CECR2: variants seen among roughly 807,000 people sequenced by gnomAD.
CECR2 encodes CECR2 histone acetyl-lysine reader, also known as chromatin remodeling regulator CECR2.
Under a neutral mutation model 154.5 loss-of-function variants are expected in CECR2, and 30 were observed. That is an observed-to-expected ratio of 0.19 (90% confidence interval 0.15 to 0.26). The LOEUF is 0.26. Among genes scored for constraint, CECR2 ranks in the 10% least tolerant of loss-of-function variants. The pLI, the probability that CECR2 is intolerant of heterozygous loss-of-function variation, is 1.00. For missense variants in CECR2, 1,743 were observed against 1,829.3 expected (o/e 0.95, Z 0.86); for synonymous variants, 725 against 683.7 (o/e 1.06, Z -0.94).
chr22:17,518,438 T>C (rs1351647224), intron 8 of CECR2, among the ~76,000 whole-genome samples: 1 of 152,190 alleles, frequency 6.6e-6, no homozygotes, highest in Non-Finnish European at 1.5e-5. Context: ...GGTCTTTCTG[T>C]TCTACCCCAG....
In CECR2 at chr22:17,548,920, C is replaced by A; in HGVS notation, c.3633C>A (p.Asp1211Glu). The A allele has an allele frequency of 3.1e-6, 5 of 1,613,650 alleles. No homozygotes were observed. Among genetic ancestry groups the A allele is most frequent in the Non-Finnish European group, 4.2e-6 (5 of 1,179,708 alleles). Residue 1211 changes from aspartate (D) to glutamate (E), a missense_variant, in exon 17 of 19, where the codon GAC (aspartate) becomes GAA (glutamate). By Grantham distance (45) the Asp-to-Glu change is conservative. This residue lies in a region of CECR2 where 1,250 missense variants were observed against 1,192.1 expected (regional missense o/e 1.05). Coordinates refer to ENST00000262608, the MANE Select transcript of CECR2 (RefSeq NM_001290047.2). The stretch of plus-strand genomic sequence containing the variant: ...ATGCCTGTCCACAGAGCTTTTCTGA[C>A]TGGCAGAGACCTCTCCATCCCCAGG... ...PYYACPQSFS[D>E]WQRPLHPQGS...
At chr22:17,490,639 C>G (rs2055511576) in intron 2 of CECR2, among the ~76,000 whole-genome samples, 1 of 151,698 alleles carries the variant, frequency 6.6e-6, no homozygotes, top group Non-Finnish European at 1.5e-5. Flanking sequence ...TTAGTAGAGA[C>G]AGGGTTTCAC....
chr22:17,525,183 G>T (rs1194147212), intron 9 of CECR2, among the ~76,000 whole-genome samples: 1 of 149,418 alleles, frequency 6.7e-6, no homozygotes, highest in Non-Finnish European at 1.5e-5. Context: ...TACTCAGGAG[G>T]CTGAGGCAGG....
chr22:17,369,413 C>A (rs1428852251), upstream of CECR2: 2 of 151,328 alleles, frequency 1.3e-5, no homozygotes, highest in African/African-American at 4.9e-5. Context: ...TCCTCGTGGG[C>A]GGCCCCTCCC....
At chr22:17,372,722 C>T (rs1020734621) in intron 1 of CECR2, among the ~76,000 whole-genome samples, 4 of 152,112 alleles carry the variant, frequency 2.6e-5, no homozygotes, top group African/African-American at 9.7e-5. Context: ...CGAGCCGTAC[C>T]TGTTAGGCCA....
At chr22:17,379,316 T>G (rs2063157307) in intron 1 of CECR2, among the ~76,000 whole-genome samples, 1 of 152,162 alleles carries the variant, frequency 6.6e-6, no homozygotes, top group Non-Finnish European at 1.5e-5. Flanking sequence ...AGTTTGGGGC[T>G]AGTAGGGAGG....
chr22:17,446,669 TC>T (rs2054669518), intron 1 of CECR2, among the ~76,000 whole-genome samples: 1 of 152,084 alleles, frequency 6.6e-6, no homozygotes, highest in African/African-American at 2.4e-5. Flanking sequence ...TGAGCTGAGA[TC>T]CTGCCACTGC....
intron 7 of CECR2, among the ~76,000 whole-genome samples, chr22:17,506,571 C>G (rs777210510): frequency 4.6e-5 from 7 of 152,328 alleles, no homozygotes; most frequent in East Asian, 1.9e-4. Context: ...TTTGTGAGTT[C>G]AGGCTTCTTC....
chr22:17,478,505 G>A (rs529607794), intron 2 of CECR2, among the ~76,000 whole-genome samples: 4 of 151,978 alleles, frequency 2.6e-5, no homozygotes, highest in African/African-American at 9.7e-5. Flanking sequence ...ACAGGCACTC[G>A]CCACCACGCC....
intron 1 of CECR2, among the ~76,000 whole-genome samples, chr22:17,460,566 C>A (rs2054922500): frequency 6.6e-6 from 1 of 152,170 alleles, no homozygotes; most frequent in African/African-American, 2.4e-5. Context: ...CCTGTACTCC[C>A]CAGTGACCCA....
At chr22:17,402,754 CTTTTTTTT>C (rs386394918) in intron 1 of CECR2, among the ~76,000 whole-genome samples, 1 of 123,104 alleles carries the variant, frequency 8.1e-6, no homozygotes, top group Non-Finnish European at 1.7e-5. Context: ...TTCTTTTCTT[CTTTTTTTT>C]TTTTTTTTTT....
intron 1 of CECR2, among the ~76,000 whole-genome samples, chr22:17,396,394 A>G (rs562761326): frequency 1.3e-5 from 2 of 152,244 alleles, no homozygotes; most frequent in South Asian, 4.1e-4. Context: ...CGAAATACAA[A>G]AATTAGCTGG....
chr22:17,455,621 T>C (rs1477438294), intron 1 of CECR2, among the ~76,000 whole-genome samples: 1 of 152,228 alleles, frequency 6.6e-6, no homozygotes, highest in African/African-American at 2.4e-5. Flanking sequence ...TTTTTTGTTT[T>C]GTTTTGTTTG....
At chr22:17,382,176 C>T (rs944713537) in intron 1 of CECR2, among the ~76,000 whole-genome samples, 5 of 151,810 alleles carry the variant, frequency 3.3e-5, no homozygotes, top group Admixed American at 6.6e-5. Flanking sequence ...AGGCGTGAGC[C>T]ACTGTGCCCG....
chr22:17,462,159 T>C, intron 1 of CECR2, among the ~76,000 whole-genome samples: 1 of 150,922 alleles, frequency 6.6e-6, no homozygotes, highest in Non-Finnish European at 1.5e-5. Flanking sequence ...AATCCCAGCA[T>C]TTTGGGAGGC....
At chr22:17,477,518 C>T (rs1339797597) in intron 1 of CECR2, 70 bp from the exon 2 acceptor site, 12 of 1,005,180 alleles carry the variant, frequency 1.2e-5, no homozygotes, top group East Asian at 2.4e-5. Context: ...CTTGTGCTGG[C>T]GGTAGGAAGG....
chr22:17,408,195 C>G (rs1374873240), intron 1 of CECR2, among the ~76,000 whole-genome samples: 2 of 148,198 alleles, frequency 1.3e-5, no homozygotes, highest in Non-Finnish European at 3.0e-5. Flanking sequence ...AGACCCTGTA[C>G]CCCCCTCAGC....
chr22:17,521,756 T>C (rs889416745), intron 8 of CECR2, among the ~76,000 whole-genome samples: 24 of 152,236 alleles, frequency 1.6e-4, no homozygotes, highest in Non-Finnish European at 3.4e-4. Context: ...TTTAGTTTAA[T>C]TAGATCCCAT....
In CECR2 at chr22:17,392,554, G is replaced by A. The variant is rs539414788; in HGVS notation, c.126+22645G>A. 1.1e-4 allele frequency among the ~76,000 whole-genome samples: 17 copies of A among 152,242 alleles called. No individual in the cohort carries two copies. In the South Asian group the frequency reaches 2.9e-3, roughly 26 times the overall value. On this transcript the variant is annotated intron_variant, in intron 1 of 18. Transcript: ENST00000262608. ...CATACCTGTAGTCTCAGCTACTTGG[G>A]AAGCTGGGCTGGGAAGATTGCTTGA...
Sources: gnomAD v4.1 joint callset for allele counts (sites outside exome capture counted in the v4.1 genomes callset) on GRCh38, gnomAD v4.1.1 for gene constraint, gnomAD v4.1.1 regional missense constraint, MANE v1.5 for transcripts, NCBI Gene and HGNC (gene_info 2026-07-23, HGNC 2026-07-21) for gene names.